SNX25: variants seen among roughly 807,000 people sequenced by gnomAD.
The protein encoded by SNX25 is sorting nexin 25, also known as sorting nexin-25.
A neutral mutation model predicts 113.7 loss-of-function variants in SNX25; 62 were observed. The ratio of observed to expected loss-of-function variants is 0.55; its 90% confidence interval spans 0.44 to 0.67. The LOEUF is 0.67. Ranked by LOEUF, SNX25 falls within the 30% of genes least tolerant of loss-of-function variation. The probability of loss-of-function intolerance (pLI) is 0.00; values close to 1 mark genes in which losing one functional copy is unlikely to be tolerated. For missense variants in SNX25, 1,014 were observed against 1,161.0 expected (o/e 0.87, Z 1.84); for synonymous variants, 421 against 436.2 (o/e 0.97, Z 0.43).
intron 2 of SNX25, among the ~76,000 whole-genome samples, chr4:185,253,006 T>C (rs549994702): frequency 6.6e-6 from 1 of 152,312 alleles, no homozygotes; most frequent in South Asian, 2.1e-4. Flanking sequence ...TACCCTTCTG[T>C]ACCAGATAGC....
chr4:185,320,859 A>G lies in SNX25; in HGVS notation c.1471A>G (p.Asn491Asp). 6.3e-7 allele frequency: 1 copy of G among 1,598,806 alleles called. No individual in the cohort carries two copies. The highest frequency in any genetic ancestry group is 8.5e-7 in the Non-Finnish European group (1 of 1,174,624). Residue 491 changes from asparagine (N) to aspartate (D), a missense_variant, in exon 8 of 19, where the codon AAC becomes GAC. Coordinates refer to ENST00000652585, the MANE Select transcript of SNX25 (RefSeq NM_001378034.2). The stretch of plus-strand genomic sequence containing the variant: ...ATCTGTGGAACATTTAAAGAATGCT[A>G]ACAAGGTAGTATATGTAGGCTGAAA... ...WESVEHLKNA[N>D]KNEIPQLVGE...
intron 6 of SNX25, among the ~76,000 whole-genome samples, chr4:185,293,651 G>A (rs1459889126): frequency 6.6e-6 from 1 of 151,924 alleles, no homozygotes; most frequent in African/African-American, 2.4e-5. Context: ...AAGGTATTCA[G>A]TATTTTTATG....
rs900636039 is a variant in SNX25, at chr4:185,357,884, A to G, written c.2651+147A>G. 3 of 677,242 alleles carry G rather than the reference A, an allele frequency of 4.4e-6. No homozygotes were observed. In the African/African-American group the frequency reaches 5.4e-5, roughly 12 times the overall value. 42.0% of individuals were successfully genotyped at this position (677,242 alleles called of 1,614,324 possible). On this transcript the variant is annotated intron_variant, in intron 16 of 18. Coordinates refer to ENST00000652585, the MANE Select transcript of SNX25 (RefSeq NM_001378034.2). ...GTTTCTGATATGATTCTAAGATTGGATAGGAGAGTCGATTTCTAAAAGAAT... is the reference window on the plus strand; with the variant it reads ...GTTTCTGATATGATTCTAAGATTGGGTAGGAGAGTCGATTTCTAAAAGAAT...
At chr4:185,240,774 G>T (rs1039315404) in intron 1 of SNX25, among the ~76,000 whole-genome samples, 13 of 150,874 alleles carry the variant, frequency 8.6e-5, no homozygotes, top group Non-Finnish European at 1.6e-4. Context: ...AGTGGCTGCC[G>T]AGCGGAGGGG....
At chr4:185,326,436 A>G (rs2126695947) in intron 9 of SNX25, among the ~76,000 whole-genome samples, 1 of 152,326 alleles carries the variant, frequency 6.6e-6, no homozygotes, top group African/African-American at 2.4e-5. Context: ...AAGAGGACCA[A>G]AACAAGACAA....
chr4:185,237,713 T>C (rs1742849558), intron 1 of SNX25, among the ~76,000 whole-genome samples: 1 of 151,948 alleles, frequency 6.6e-6, no homozygotes, highest in South Asian at 2.1e-4. Context: ...TTGAATTAGT[T>C]GGAGATATCG....
chr4:185,290,125 C>G (rs1751938929), intron 6 of SNX25, among the ~76,000 whole-genome samples: 1 of 152,140 alleles, frequency 6.6e-6, no homozygotes, highest in Non-Finnish European at 1.5e-5. Flanking sequence ...GCACTGGGGC[C>G]CATCTAATGA....
intron 1 of SNX25, among the ~76,000 whole-genome samples, chr4:185,242,172 A>G (rs147948905): frequency 1.2e-3 from 180 of 152,332 alleles, no homozygotes; most frequent in African/African-American, 4.2e-3. Context: ...GAATGTGTAC[A>G]GAAAACTTTT....
At position 185,357,627 on chromosome 4, in the gene SNX25, G is replaced by C. The variant is rs574653895; in HGVS notation, c.2585-44G>C. 8 of 1,472,500 alleles carry C rather than the reference G, an allele frequency of 5.4e-6. No individual in the cohort carries two copies. The South Asian group carries it at 7.9e-5, about 15-fold the overall frequency. 91.2% of individuals were successfully genotyped at this position (1,472,500 alleles called of 1,614,324 possible). A position where few individuals can be genotyped will look rare whatever the true frequency, so the allele number is the denominator to read the frequency against. On this transcript the variant is annotated intron_variant, in intron 15 of 18. Transcript: ENST00000652585. ...TACAGCTATGAAAATGTCCCAAATT[G>C]TGATGCCCTGTGATAAAAAGTTTTC...
intron 6 of SNX25, among the ~76,000 whole-genome samples, chr4:185,298,093 C>CTTTTTTTTTT (rs6148841): frequency 7.3e-5 from 10 of 137,152 alleles, no homozygotes; most frequent in Middle Eastern, 3.7e-3. Flanking sequence ...ATAGTAACTT[C>CTTTTTTTTTT]TTTTTTTTTT....
Position 185,210,307 on chromosome 4 carries a change from G to C in SNX25, c.429+52G>C. On this transcript the variant is annotated intron_variant, in intron 1 of 18. Coordinates refer to ENST00000652585, the MANE Select transcript of SNX25 (RefSeq NM_001378034.2). This position sits in a 1 kb window ranked among gnomAD's most constrained non-coding sequence, Gnocchi z 4.4. ...GCTCCGCCGGCCCTCCCCGCTTCCG[G>C]TGCCAGCTCCCGCGCCCCGAGCTCC... 1.0e-6 allele frequency: 1 copy of C among 984,592 alleles called. No individual in the cohort carries two copies. Among genetic ancestry groups the C allele is most frequent in the Non-Finnish European group, 1.2e-6 (1 of 829,720 alleles). The allele number at this position is 984,592 out of a possible 1,614,324, so 61.0% of individuals were successfully genotyped here. A position where few individuals can be genotyped will look rare whatever the true frequency, so the allele number is the denominator to read the frequency against.
chr4:185,204,302 T>G (rs1456470164), exon 1 of SNX25: 2 of 152,240 alleles, frequency 1.3e-5, no homozygotes, highest in Non-Finnish European at 2.9e-5. Flanking sequence ...TAGGGAAAGC[T>G]GCCTTGATTA....
chr4:185,204,781 T>C (rs992266529), upstream of SNX25, among the ~76,000 whole-genome samples: 1 of 151,810 alleles, frequency 6.6e-6, no homozygotes, highest in African/African-American at 2.4e-5. Context: ...GAGGTTGGAG[T>C]GATGTCAGAG....
intron 1 of SNX25, among the ~76,000 whole-genome samples, chr4:185,223,200 TCC>T (rs1740272177): frequency 3.3e-5 from 5 of 152,184 alleles, no homozygotes; most frequent in Admixed American, 6.5e-5. Flanking sequence ...AGGAATCACT[TCC>T]TTGCATGTCA....
chr4:185,249,664 A>AT (rs35618190), intron 2 of SNX25, among the ~76,000 whole-genome samples: 1 of 129,872 alleles, frequency 7.7e-6, no homozygotes, highest in Admixed American at 8.3e-5. Flanking sequence ...GATGATGATG[A>AT]TTTTTTTCAA....
intron 12 of SNX25, 41 bp downstream of exon 12, chr4:185,342,157 C>T: frequency 1.3e-6 from 2 of 1,483,340 alleles, no homozygotes; most frequent in Non-Finnish European, 1.8e-6. Flanking sequence ...AATTACTGCA[C>T]AAGAGCTCAT....
intron 4 of SNX25, 71 bp downstream of exon 4, chr4:185,264,681 T>C (rs2126540438): frequency 4.1e-6 from 6 of 1,470,718 alleles, no homozygotes; most frequent in East Asian, 4.6e-5. Flanking sequence ...AGACCTTGTT[T>C]ACTGTTGAAC....
At chr4:185,266,889 A>C (rs1179397082) in intron 4 of SNX25, 80 bp from the exon 5 acceptor site, 4 of 1,367,286 alleles carry the variant, frequency 2.9e-6, no homozygotes, top group Non-Finnish European at 4.0e-6. Flanking sequence ...TCCCAAATGT[A>C]GTCTCAGTTA....
downstream of SNX25, among the ~76,000 whole-genome samples, chr4:185,372,016 G>A (rs116827659): frequency 3.0e-3 from 456 of 152,268 alleles, 3 homozygotes; most frequent in African/African-American, 0.01. Flanking sequence ...GGGTAAATAC[G>A]TGTAGGAAAG....
Sources: allele counts gnomAD v4.1 joint callset (sites outside exome capture counted in the v4.1 genomes callset), GRCh38; gene constraint gnomAD v4.1.1; non-coding constraint Gnocchi (gnomAD v3.1); transcripts MANE v1.5; gene names NCBI Gene and HGNC (gene_info 2026-07-23, HGNC 2026-07-21).